The following OSBPL9 variants were observed in gnomAD, a reference collection of about 807,000 sequenced individuals.
OSBPL9 encodes the protein oxysterol-binding protein-related protein 9.
OSBPL9 carries 40 observed loss-of-function variants against 106.6 expected under a neutral mutation model. The observed-to-expected ratio is 0.38, with a 90% CI of 0.29 to 0.49. The LOEUF (loss-of-function observed/expected upper bound fraction) is 0.49, where lower values mean the gene tolerates loss of function less well. Among genes scored for constraint, OSBPL9 ranks in the 20% least tolerant of loss-of-function variants. The pLI is 0.97. For missense variants in OSBPL9, 609 were observed against 887.2 expected (o/e 0.69, Z 3.98); for synonymous variants, 269 against 295.4 (o/e 0.91, Z 0.92).
intron 3 of OSBPL9, among the ~76,000 whole-genome samples, chr1:51,674,135 T>C (rs1392239337): frequency 6.6e-6 from 1 of 150,824 alleles, no homozygotes; most frequent in African/African-American, 2.4e-5. Flanking sequence ...CATGGCTCAC[T>C]GCAGCCTCGA....
chr1:51,727,197 C>T (rs962048672), intron 4 of OSBPL9, among the ~76,000 whole-genome samples: 2 of 145,778 alleles, frequency 1.4e-5, no homozygotes, highest in African/African-American at 5.1e-5. Flanking sequence ...GGAATTAAGT[C>T]CCTAGGGCTG....
intron 3 of OSBPL9, among the ~76,000 whole-genome samples, chr1:51,693,949 C>A (rs1196988648): frequency 6.6e-6 from 1 of 152,146 alleles, no homozygotes; most frequent in Non-Finnish European, 1.5e-5. Context: ...TTGGAAAATG[C>A]CAGAGATACA....
chr1:51,766,125 T>G (rs1248575381), intron 12 of OSBPL9, 144 bp downstream of exon 12: 1 of 868,868 alleles, frequency 1.2e-6, no homozygotes, highest in Non-Finnish European at 1.7e-6. Context: ...TTAATAGAAG[T>G]TTTTTTATTG....
At chr1:51,598,222 T>C (rs544965594) in intron 2 of OSBPL9, 3 of 152,366 alleles carry the variant, frequency 2.0e-5, no homozygotes, top group South Asian at 4.1e-4. Flanking sequence ...ACCAAGTGCT[T>C]AATCACTCTT....
intron 2 of OSBPL9, among the ~76,000 whole-genome samples, chr1:51,657,376 C>G (rs1277360374): frequency 1.3e-5 from 2 of 152,194 alleles, no homozygotes; most frequent in Non-Finnish European, 2.9e-5. Flanking sequence ...CATACACATT[C>G]CTATCATAAC....
At chr1:51,718,308 T>C (rs939222069) in intron 4 of OSBPL9, among the ~76,000 whole-genome samples, 8 of 152,156 alleles carry the variant, frequency 5.3e-5, no homozygotes, top group Non-Finnish European at 8.8e-5. Flanking sequence ...AGGGTGACTA[T>C]AGTCAACAGT....
chr1:51,608,598 T>G (rs1643964749), intron 2 of OSBPL9, among the ~76,000 whole-genome samples: 1 of 151,340 alleles, frequency 6.6e-6, no homozygotes, highest in Non-Finnish European at 1.5e-5. Flanking sequence ...CCACCACAAC[T>G]GGCCTTCAAT....
chr1:51,537,635 C>T, the OSBPL9 span, among the ~76,000 whole-genome samples: 1 of 152,140 alleles, frequency 6.6e-6, no homozygotes, highest in Non-Finnish European at 1.5e-5. Context: ...TAGCTCACTG[C>T]AGATATGAAC....
intron 4 of OSBPL9, among the ~76,000 whole-genome samples, chr1:51,740,607 A>G (rs2148981813): frequency 6.6e-6 from 1 of 152,208 alleles, no homozygotes; most frequent in South Asian, 2.1e-4. Flanking sequence ...TTTTTACAAC[A>G]TATTTTTATT....
At chr1:51,697,598 G>A (rs1314805651) in intron 3 of OSBPL9, among the ~76,000 whole-genome samples, 1 of 151,468 alleles carries the variant, frequency 6.6e-6, no homozygotes, top group Non-Finnish European at 1.5e-5. Flanking sequence ...CTAAGCAGTG[G>A]ATCAGGAATG....
chr1:51,761,980 T>A lies in OSBPL9; in HGVS notation c.778+9T>A. 6.4e-7 allele frequency: 1 copy of A among 1,568,374 alleles called. No homozygotes were observed. Among genetic ancestry groups the A allele is most frequent in the Non-Finnish European group, 8.8e-7 (1 of 1,138,690 alleles). Reference sequence around the variant, plus strand: ...TACACCAAATAGTACAGGTACAGATTTGCATAATTTCTTTATGTCTCATAA... The same window carrying A: ...TACACCAAATAGTACAGGTACAGATATGCATAATTTCTTTATGTCTCATAA... On this transcript the variant is annotated intron_variant, in intron 11 of 23. Transcript: ENST00000428468.
Position 51,787,475 on chromosome 1 carries a change from A to G in OSBPL9, c.2123A>G (p.Gln708Arg), listed in dbSNP as rs1258227308. The change falls in exon 23 of 24, where the codon CAG becomes CGG. Residue 708 changes from glutamine to arginine, a missense_variant. Physicochemically the swap from Gln to Arg is conservative, Grantham distance 43 (BLOSUM62 1). Transcript: ENST00000428468. ...CGAGAAAGGAAGGAGAAGGAAATTCAGTGGGAGACAAGGGTAAGCTTGCCT... is the reference window on the plus strand; with the variant it reads ...CGAGAAAGGAAGGAGAAGGAAATTCGGTGGGAGACAAGGGTAAGCTTGCCT... Reference protein sequence around the residue: ...EARERKEKEIQWETRLFHEDG... With the variant: ...EARERKEKEIRWETRLFHEDG... The G allele has an allele frequency of 2.5e-6, 4 of 1,613,890 alleles. No homozygotes were observed. In the African/African-American group the frequency reaches 5.3e-5, roughly 22 times the overall value.
chr1:51,636,355 T>C (rs995405430), intron 1 of OSBPL9, among the ~76,000 whole-genome samples: 5 of 151,310 alleles, frequency 3.3e-5, no homozygotes, highest in African/African-American at 7.3e-5. Flanking sequence ...TTTTTTCCCT[T>C]TGAGACAAAG....
chr1:51,606,863 A>G (rs1311169177), intron 2 of OSBPL9, among the ~76,000 whole-genome samples: 2 of 152,010 alleles, frequency 1.3e-5, no homozygotes, highest in African/African-American at 4.8e-5. Context: ...CCTGGCTAAC[A>G]CGGTGAAACC....
rs774770514 is a variant in OSBPL9 at position 51,617,120 on chromosome 1, A to G, written c.10A>G (p.Ile4Val). Residue 4 changes from isoleucine (I) to valine (V), a missense_variant, in exon 1 of 24, where the codon ATC (isoleucine) becomes GTC (valine). Coordinates refer to ENST00000428468, the MANE Select transcript of OSBPL9 (RefSeq NM_024586.6). MAS[I>V]MEGPLSKWTN... ...ATTGGCGGCTCCCAAGATGGCGTCC[A>G]TCATGGAAGGGCCGCTGAGCAAATG... 3.5e-5 allele frequency: 55 copies of G among 1,591,128 alleles called. No homozygotes were observed. Among genetic ancestry groups the G allele is most frequent in the Non-Finnish European group, 3.7e-5 (43 of 1,166,558 alleles).
At chr1:51,759,186 T>C (rs1183180896) in intron 9 of OSBPL9, among the ~76,000 whole-genome samples, 1 of 151,926 alleles carries the variant, frequency 6.6e-6, no homozygotes, top group Admixed American at 6.6e-5. Context: ...GTTAAAGTAT[T>C]TGTGGCAGAT....
the OSBPL9 span, chr1:51,561,411 C>T: frequency 1.3e-5 from 2 of 152,150 alleles, no homozygotes; most frequent in Non-Finnish European, 2.9e-5. Flanking sequence ...GATGCTTGCT[C>T]ATTTTCTAAT....
chr1:51,677,345 A>G (rs1402341903), intron 3 of OSBPL9, among the ~76,000 whole-genome samples: 2 of 152,356 alleles, frequency 1.3e-5, no homozygotes, highest in Middle Eastern at 3.4e-3. Flanking sequence ...ATTTGTAGAT[A>G]AAGAGAAGTG....
chr1:51,696,006 C>T (rs1027016025), intron 3 of OSBPL9, among the ~76,000 whole-genome samples: 1 of 152,078 alleles, frequency 6.6e-6, no homozygotes, highest in Non-Finnish European at 1.5e-5. Context: ...AAAGTAAAAC[C>T]GGGAAGGTAG....
Sources: allele counts gnomAD v4.1 joint callset (sites outside exome capture counted in the v4.1 genomes callset), GRCh38; gene constraint gnomAD v4.1.1; transcripts MANE v1.5; gene names NCBI Gene and HGNC (gene_info 2026-07-23, HGNC 2026-07-21).